The following ADGRB3 variants were observed in gnomAD, a reference collection of about 807,000 sequenced individuals.
The protein encoded by ADGRB3 is adhesion G protein-coupled receptor B3, also known as brain-specific angiogenesis inhibitor 3.
ADGRB3 carries 37 observed loss-of-function variants against 193.4 expected under a neutral mutation model. The ratio of observed to expected loss-of-function variants is 0.19; its 90% confidence interval spans 0.15 to 0.25. The LOEUF is 0.25. Ranked by LOEUF, ADGRB3 falls within the 10% of genes least tolerant of loss-of-function variation. ADGRB3 has a pLI of 1.00. For synonymous variants in ADGRB3, 690 were observed against 644.2 expected (o/e 1.07, Z -1.08); for missense variants, 1,637 against 1,852.9 (o/e 0.88, Z 2.14).
chr6:69,307,937 T>C (rs1768100781), intron 20 of ADGRB3, among the ~76,000 whole-genome samples: 1 of 151,468 alleles, frequency 6.6e-6, no homozygotes, highest in Non-Finnish European at 1.5e-5. Flanking sequence ...CAAGAGTAAA[T>C]TCTGGTGACA....
At chr6:69,348,599 T>A (rs1375272497) in intron 26 of ADGRB3, among the ~76,000 whole-genome samples, 1 of 151,302 alleles carries the variant, frequency 6.6e-6, no homozygotes, top group Non-Finnish European at 1.5e-5. Flanking sequence ...GAGGTGGAGG[T>A]TGCAGTGAGC....
chr6:68,700,242 C>T (rs1765219721), intron 3 of ADGRB3, among the ~76,000 whole-genome samples: 1 of 152,062 alleles, frequency 6.6e-6, no homozygotes, highest in African/African-American at 2.4e-5. Flanking sequence ...GTTTCAAATC[C>T]AAACAAGAAA....
chr6:68,643,880 C>CGAGATCGCA lies in ADGRB3; in HGVS notation c.757+4449_757+4457dup, dbSNP rs374578741. ...CCTGGAGGCAGAGGTTACAGTGAGC[C>CGAGATCGCA]GAGATCGCACCACTGCACTCCAGCC... On this transcript the variant is annotated intron_variant, in intron 3 of 31. Transcript: ENST00000370598. Among the ~76,000 whole-genome samples the CGAGATCGCA allele has an allele frequency of 6.6e-3, 982 of 149,884 alleles. 14 individuals are homozygous for CGAGATCGCA. The highest frequency in any genetic ancestry group is 0.023 in the African/African-American group (941 of 40,622).
At chr6:69,013,960 A>G (rs1770016328) in intron 11 of ADGRB3, 78 bp from the exon 12 acceptor site, 2 of 908,314 alleles carry the variant, frequency 2.2e-6, no homozygotes, top group East Asian at 2.7e-5. Flanking sequence ...TTTACCACGT[A>G]GTCAACCCAA....
At chr6:69,037,843 C>G (rs925815793) in intron 13 of ADGRB3, among the ~76,000 whole-genome samples, 1 of 152,174 alleles carries the variant, frequency 6.6e-6, no homozygotes, top group African/African-American at 2.4e-5. Flanking sequence ...TGTCAGCTTA[C>G]ATGAAAAGCT....
At chr6:69,124,453 C>G (rs1773801938) in intron 17 of ADGRB3, among the ~76,000 whole-genome samples, 1 of 152,072 alleles carries the variant, frequency 6.6e-6, no homozygotes, top group Non-Finnish European at 1.5e-5. Flanking sequence ...GCTCTGTGAC[C>G]TTGAGCTAGT....
intron 3 of ADGRB3, among the ~76,000 whole-genome samples, chr6:68,734,980 C>T (rs765640684): frequency 6.6e-6 from 1 of 151,844 alleles, no homozygotes; most frequent in Non-Finnish European, 1.5e-5. Context: ...AGAGATGACA[C>T]AGGGTCAAAT....
intron 30 of ADGRB3, among the ~76,000 whole-genome samples, chr6:69,377,991 G>A (rs573587342): frequency 3.9e-5 from 6 of 152,166 alleles, no homozygotes; most frequent in Admixed American, 1.3e-4. Context: ...ATTTATAATG[G>A]CCTTCCATGT....
At chr6:69,078,887 G>T (rs200304485) in intron 17 of ADGRB3, among the ~76,000 whole-genome samples, 2 of 151,992 alleles carry the variant, frequency 1.3e-5, no homozygotes, top group African/African-American at 2.4e-5. Context: ...TACTATACCT[G>T]CATATAAGAT....
At chr6:69,031,061 C>T (rs1562128934) in intron 13 of ADGRB3, among the ~76,000 whole-genome samples, 6,298 of 46,800 alleles carry the variant, frequency 0.13, 1,324 homozygotes, top group Middle Eastern at 0.41. Context: ...CTTCTCTTCT[C>T]TTCTCTTCTC....
At chr6:68,731,090 G>A (rs1765765626) in intron 3 of ADGRB3, among the ~76,000 whole-genome samples, 1 of 151,560 alleles carries the variant, frequency 6.6e-6, no homozygotes, top group Admixed American at 6.6e-5. Flanking sequence ...ATATAGGAAA[G>A]AAATGCAAAA....
intron 17 of ADGRB3, among the ~76,000 whole-genome samples, chr6:69,201,318 C>G (rs1582540222): frequency 1.3e-5 from 2 of 152,240 alleles, no homozygotes; most frequent in African/African-American, 4.8e-5. Flanking sequence ...ACTTCCTCCT[C>G]TGGCTCCTAG....
At chr6:68,644,348 A>T (rs1181581234) in intron 3 of ADGRB3, among the ~76,000 whole-genome samples, 1 of 152,164 alleles carries the variant, frequency 6.6e-6, no homozygotes, top group Non-Finnish European at 1.5e-5. Flanking sequence ...TTAATTATTT[A>T]TATGTTTATT....
Position 68,659,216 on chromosome 6 carries a change from A to AT in ADGRB3, c.757+19792dup, listed in dbSNP as rs1193191827. Reference sequence around the variant, plus strand: ...AATTACTGAAAATCAAGCTGATGCAATTTTTTTTAAATGATAAGTGATTCA... The same window carrying AT: ...AATTACTGAAAATCAAGCTGATGCAATTTTTTTTTAAATGATAAGTGATTCA... On this transcript the variant is annotated intron_variant, in intron 3 of 31. Transcript: ENST00000370598. Among the ~76,000 whole-genome samples the AT allele has an allele frequency of 4.6e-5, 7 of 150,752 alleles. No individual in the cohort carries two copies. The South Asian group carries it at 8.3e-4, about 18-fold the overall frequency.
In ADGRB3 at chr6:68,981,304, A is replaced by C. The variant is rs141171236; in HGVS notation, c.1734+5964A>C. On this transcript the variant is annotated intron_variant, in intron 10 of 31. Transcript: ENST00000370598. ...TCAGCTCCACAGTTATGGAGTTTTT[A>C]ACATGTGGTCTTGAATAAAATTATG... Among the ~76,000 whole-genome samples the C allele has an allele frequency of 2.0e-3, 297 of 151,796 alleles. 4 individuals carry two copies. Among genetic ancestry groups the C allele is most frequent in the Middle Eastern group, 0.01 (3 of 292 alleles).
At chr6:69,191,441 A>G (rs1765184938) in intron 17 of ADGRB3, among the ~76,000 whole-genome samples, 1 of 152,152 alleles carries the variant, frequency 6.6e-6, no homozygotes. Flanking sequence ...AAGAAAATAA[A>G]ATTATTCACT....
intron 20 of ADGRB3, among the ~76,000 whole-genome samples, chr6:69,272,500 AG>A (rs1198394115): frequency 2.0e-5 from 3 of 152,260 alleles, no homozygotes; most frequent in Non-Finnish European, 4.4e-5. Context: ...ATAACTGGGT[AG>A]ACAATAATTA....
intron 3 of ADGRB3, among the ~76,000 whole-genome samples, chr6:68,889,827 T>C (rs746708238): frequency 6.6e-6 from 1 of 152,096 alleles, no homozygotes; most frequent in Non-Finnish European, 1.5e-5. Context: ...AAACGAGCAA[T>C]AGTGACCACA....
At chr6:68,994,285 A>G (rs1204334523) in intron 11 of ADGRB3, among the ~76,000 whole-genome samples, 1 of 152,216 alleles carries the variant, frequency 6.6e-6, no homozygotes, top group Admixed American at 6.5e-5. Flanking sequence ...TTAATATACC[A>G]TCTTGACATA....
Sources: allele counts gnomAD v4.1 joint callset (sites outside exome capture counted in the v4.1 genomes callset), GRCh38; gene constraint gnomAD v4.1.1; transcripts MANE v1.5; gene names NCBI Gene and HGNC (gene_info 2026-07-23, HGNC 2026-07-21).